Variants in FBXL7 observed in about 807,000 individuals in gnomAD.
FBXL7 encodes the protein F-box and leucine rich repeat protein 7.
FBXL7 carries 12 observed loss-of-function variants against 38.3 expected under a neutral mutation model. The ratio of observed to expected loss-of-function variants is 0.31; its 90% CI spans 0.20 to 0.51. FBXL7 has a LOEUF of 0.51. Ranked by LOEUF, FBXL7 falls within the 20% of genes least tolerant of loss-of-function variation. The pLI is 0.98. For synonymous variants in FBXL7, 297 were observed against 300.9 expected (o/e 0.99, Z 0.13); for missense variants, 567 against 676.4 (o/e 0.84, Z 1.79).
intron 2 of FBXL7, among the ~76,000 whole-genome samples, chr5:15,708,090 T>C (rs11950539): frequency 0.74 from 113,132 of 152,156 alleles, 42,332 homozygotes; most frequent in East Asian, 0.88. Flanking sequence ...TTTTCCACTT[T>C]TCTTCTTACC....
intron 2 of FBXL7, among the ~76,000 whole-genome samples, chr5:15,772,050 C>A (rs940709142): frequency 6.6e-6 from 1 of 151,808 alleles, no homozygotes; most frequent in Non-Finnish European, 1.5e-5. Flanking sequence ...GAATTACAGG[C>A]ATGAGCCACC....
At chr5:15,674,841 C>T (rs1042535955) in intron 2 of FBXL7, among the ~76,000 whole-genome samples, 2 of 152,134 alleles carry the variant, frequency 1.3e-5, no homozygotes, top group Non-Finnish European at 1.5e-5. Context: ...TCTTAGTGAA[C>T]TGGAAAATTG....
chr5:15,641,454 A>G (rs1741366178), intron 2 of FBXL7, among the ~76,000 whole-genome samples: 1 of 152,108 alleles, frequency 6.6e-6, no homozygotes, highest in Admixed American at 6.5e-5. Flanking sequence ...AGGGAAACCA[A>G]GAGGAATGGG....
At chr5:15,684,793 C>A (rs1477871033) in intron 2 of FBXL7, among the ~76,000 whole-genome samples, 5 of 152,150 alleles carry the variant, frequency 3.3e-5, no homozygotes, top group Non-Finnish European at 7.4e-5. Flanking sequence ...AAGTGGTCTC[C>A]AGAAGTGCAA....
Position 15,934,206 on chromosome 5 carries a change from T to C in FBXL7, c.740-2244T>C, listed in dbSNP as rs183928860. On this transcript the variant is annotated intron_variant, in intron 3 of 3. Coordinates refer to ENST00000504595, the MANE Select transcript of FBXL7 (RefSeq NM_012304.5). ...TTTTAGTAGAGACGGGGTTTTGCCA[T>C]GTTGCCCAGGCTAGTCTTGAACTCC... is the stretch of plus-strand genomic sequence containing the variant. 3.8e-3 allele frequency among the ~76,000 whole-genome samples: 578 copies of C among 152,284 alleles called. 1 individual carries two copies. The highest frequency in any genetic ancestry group is 7.7e-3 in the South Asian group (37 of 4,824).
intron 1 of FBXL7, among the ~76,000 whole-genome samples, chr5:15,518,471 A>G (rs924488481): frequency 2.0e-5 from 3 of 152,186 alleles, no homozygotes; most frequent in Non-Finnish European, 4.4e-5. Flanking sequence ...GGGAGGTAGG[A>G]AAGGCAGCTC....
rs547863129 is a variant in FBXL7 at position 15,674,523 on chromosome 5, C to T, written c.127+58451C>T. On this transcript the variant is annotated intron_variant, in intron 2 of 3. Transcript: ENST00000504595. ...AGGGTTTCTATTCAGAATGCAAACTCGCGTTATGAATTATCCTCTTCCTTT... is the reference window on the plus strand; with the variant it reads ...AGGGTTTCTATTCAGAATGCAAACTTGCGTTATGAATTATCCTCTTCCTTT... Among the ~76,000 whole-genome samples the T allele has an allele frequency of 5.9e-5, 9 of 152,252 alleles. 2 individuals are homozygous for T. Among genetic ancestry groups the T allele is most frequent in the Non-Finnish European group, 1.5e-5 (1 of 68,028 alleles).
rs562309066 is a variant in FBXL7 at position 15,505,088 on chromosome 5, C to T, written c.37+4375C>T. Among the ~76,000 whole-genome samples, 4 of 152,280 alleles carry T rather than the reference C, an allele frequency of 2.6e-5. No homozygotes were observed. The East Asian group carries it at 5.8e-4, about 22-fold the overall frequency. On this transcript the variant is annotated intron_variant, in intron 1 of 3. Coordinates refer to ENST00000504595, the MANE Select transcript of FBXL7 (RefSeq NM_012304.5). The stretch of plus-strand genomic sequence containing the variant: ...TCGGTGCTGTCAGATATGAGGAGAG[C>T]CATTTGCCTGAGAGCATAAATCTTC...
At chr5:15,783,117 AT>A (rs1036153578) in intron 2 of FBXL7, among the ~76,000 whole-genome samples, 1 of 152,130 alleles carries the variant, frequency 6.6e-6, no homozygotes, top group African/African-American at 2.4e-5. Context: ...GAAGTTGAAG[AT>A]TTTTGCATGA....
At chr5:15,639,629 A>G (rs1741294959) in intron 2 of FBXL7, among the ~76,000 whole-genome samples, 1 of 152,104 alleles carries the variant, frequency 6.6e-6, no homozygotes, top group Non-Finnish European at 1.5e-5. Context: ...ACAGACTAAT[A>G]CAGACATATA....
At chr5:15,591,137 T>G (rs1158376530) in intron 1 of FBXL7, among the ~76,000 whole-genome samples, 1 of 151,368 alleles carries the variant, frequency 6.6e-6, no homozygotes, top group Non-Finnish European at 1.5e-5. Context: ...TCATTAAGAG[T>G]GGAGAATTTA....
At chr5:15,641,235 T>C (rs183548018) in intron 2 of FBXL7, among the ~76,000 whole-genome samples, 1 of 152,190 alleles carries the variant, frequency 6.6e-6, no homozygotes, top group Non-Finnish European at 1.5e-5. Flanking sequence ...CCTAAACCTT[T>C]CCATGAGACT....
At chr5:15,667,648 T>C (rs1742329691) in intron 2 of FBXL7, among the ~76,000 whole-genome samples, 1 of 152,142 alleles carries the variant, frequency 6.6e-6, no homozygotes, top group Non-Finnish European at 1.5e-5. Flanking sequence ...CTAATTCTAC[T>C]TTGACATAAC....
intron 2 of FBXL7, among the ~76,000 whole-genome samples, chr5:15,902,925 G>C (rs557374553): frequency 3.9e-5 from 6 of 152,352 alleles, no homozygotes; most frequent in Admixed American, 2.6e-4. Flanking sequence ...AGTCAGAGCA[G>C]GGCAAGCCCC....
intron 1 of FBXL7, among the ~76,000 whole-genome samples, chr5:15,550,805 T>C (rs1482827251): frequency 1.3e-5 from 2 of 152,228 alleles, no homozygotes; most frequent in Non-Finnish European, 1.5e-5. Flanking sequence ...GAGACCTCTG[T>C]CATCTCATCC....
At chr5:15,659,259 T>C (rs548096928) in intron 2 of FBXL7, among the ~76,000 whole-genome samples, 1 of 151,860 alleles carries the variant, frequency 6.6e-6, no homozygotes, top group African/African-American at 2.4e-5. Context: ...ATGCAAATGA[T>C]CTAAACAGGC....
intron 1 of FBXL7, among the ~76,000 whole-genome samples, chr5:15,511,785 A>G (rs966013758): frequency 6.6e-6 from 1 of 152,318 alleles, no homozygotes; most frequent in South Asian, 2.1e-4. Context: ...GCAAAGAACA[A>G]TGGGGATCCT....
At chr5:15,771,271 T>G (rs1363513022) in intron 2 of FBXL7, among the ~76,000 whole-genome samples, 1 of 152,192 alleles carries the variant, frequency 6.6e-6, no homozygotes, top group African/African-American at 2.4e-5. Context: ...CTTTCACTCT[T>G]CACTTCTCTG....
chr5:15,790,014 C>G (rs1048845263), intron 2 of FBXL7, among the ~76,000 whole-genome samples: 1 of 152,166 alleles, frequency 6.6e-6, no homozygotes, highest in Non-Finnish European at 1.5e-5. Context: ...CTGCTTGTTC[C>G]TATTTAGTTT....
Sources: allele counts gnomAD v4.1 joint callset (sites outside exome capture counted in the v4.1 genomes callset), GRCh38; gene constraint gnomAD v4.1.1; transcripts MANE v1.5; gene names NCBI Gene and HGNC (gene_info 2026-07-23, HGNC 2026-07-21).